NDUFV2: variants seen among roughly 807,000 people sequenced by gnomAD.
NDUFV2 encodes NADH:ubiquinone oxidoreductase core subunit V2, also known as NADH dehydrogenase [ubiquinone] flavoprotein 2, mitochondrial.
Under a neutral mutation model 31.6 loss-of-function variants are expected in NDUFV2, and 18 were observed. The observed-to-expected ratio is 0.57, with a 90% CI of 0.39 to 0.84. NDUFV2 has a LOEUF of 0.84. Ranked by LOEUF, NDUFV2 falls within the 40% of genes least tolerant of loss-of-function variation. NDUFV2 has a pLI of 0.00. For synonymous variants in NDUFV2, 83 were observed against 99.8 expected (o/e 0.83, Z 1.01); for missense variants, 314 against 303.6 (o/e 1.03, Z -0.26).
At chr18:9,112,017 GTTTTT>G (rs10659823) in intron 1 of NDUFV2, among the ~76,000 whole-genome samples, 2 of 122,384 alleles carry the variant, frequency 1.6e-5, no homozygotes, top group African/African-American at 3.2e-5. Context: ...CATCAGAAGG[GTTTTT>G]TTTTTTTTTT....
intron 1 of NDUFV2, among the ~76,000 whole-genome samples, chr18:9,113,766 T>C (rs1002240523): frequency 6.6e-6 from 1 of 152,222 alleles, no homozygotes; most frequent in Non-Finnish European, 1.5e-5. Context: ...TACCCCCTGC[T>C]TGCTCAATCG....
At chr18:9,121,555 A>G (rs1423873845) in intron 4 of NDUFV2, 1 of 152,206 alleles carries the variant, frequency 6.6e-6, no homozygotes, top group Non-Finnish European at 1.5e-5. Flanking sequence ...TAATATGAGA[A>G]AGTTAACATA....
At chr18:9,124,820 C>T in intron 5 of NDUFV2, 54 bp from the exon 6 acceptor site, 1 of 1,450,022 alleles carries the variant, frequency 6.9e-7, no homozygotes, top group Admixed American at 2.1e-5. Flanking sequence ...TTTTTTAAAC[C>T]AAATGACTAT....
At position 9,134,225 on chromosome 18, in the gene NDUFV2, C is replaced by G; in HGVS notation, c.696C>G (p.Thr232=). The G allele has an allele frequency of 6.2e-7, 1 of 1,613,308 alleles. No individual in the cohort carries two copies. The highest frequency in any genetic ancestry group is 1.3e-5 in the African/African-American group (1 of 75,022). Residue 232 remains threonine, a synonymous_variant, in exon 8 of 8, where the codon ACC becomes ACG. Transcript: ENST00000318388. The part of the protein sequence containing the change: ...RFSCEPAGGL[T]SLTEPPKGPG... ...CTTGTGAGCCAGCTGGAGGTCTTAC[C>G]TCTTTGACTGAACCACCCAAGGGAC...
chr18:9,127,961 C>CG (rs1307184740), intron 7 of NDUFV2, among the ~76,000 whole-genome samples: 1 of 152,148 alleles, frequency 6.6e-6, no homozygotes, highest in African/African-American at 2.4e-5. Flanking sequence ...AGGTTGCTCC[C>CG]GTCCCATACC....
chr18:9,128,431 C>T (rs969353522), intron 7 of NDUFV2, among the ~76,000 whole-genome samples: 1 of 152,136 alleles, frequency 6.6e-6, no homozygotes, highest in Non-Finnish European at 1.5e-5. Context: ...TTCTAAGAAA[C>T]GTATACTGTT....
intron 2 of NDUFV2, 81 bp downstream of exon 2, chr18:9,117,984 A>G: frequency 2.2e-6 from 2 of 913,478 alleles, no homozygotes; most frequent in Admixed American, 1.7e-5. Flanking sequence ...AAAATATCTT[A>G]AATACCATTG....
intron 7 of NDUFV2, among the ~76,000 whole-genome samples, chr18:9,128,609 T>C (rs1005849114): frequency 6.6e-6 from 1 of 152,214 alleles, no homozygotes; most frequent in Admixed American, 6.5e-5. Flanking sequence ...TTTAGTCATC[T>C]ATCATTACAG....
intron 1 of NDUFV2, among the ~76,000 whole-genome samples, chr18:9,111,528 A>T (rs1299568784): frequency 1.3e-5 from 2 of 151,516 alleles, no homozygotes; most frequent in African/African-American, 4.9e-5. Flanking sequence ...TCCTGAGTTC[A>T]AGCGATTCTC....
At chr18:9,130,488 T>G (rs1017587811) in intron 7 of NDUFV2, among the ~76,000 whole-genome samples, 23 of 152,200 alleles carry the variant, frequency 1.5e-4, no homozygotes, top group Non-Finnish European at 2.4e-4. Flanking sequence ...GTTTCAATAA[T>G]TGCAAGCATC....
chr18:9,127,142 TC>T (rs1240559211), intron 7 of NDUFV2, among the ~76,000 whole-genome samples: 6 of 152,182 alleles, frequency 3.9e-5, no homozygotes, highest in Non-Finnish European at 5.9e-5. Flanking sequence ...CAAATAGAAA[TC>T]TATTCCATTA....
Position 9,125,290 on chromosome 18 carries a change from TATC to T in NDUFV2, c.579+322_579+324del, listed in dbSNP as rs150890429. Among the ~76,000 whole-genome samples, 607 of 152,154 alleles carry T rather than the reference TATC, an allele frequency of 4.0e-3. 3 individuals carry two copies. Among genetic ancestry groups the T allele is most frequent in the African/African-American group, 0.014 (570 of 41,550 alleles). ...TTTTGCCACATTTTACTTCAGATACTATCATCATCATCATCATTTGTAGAAATA... is the reference window on the plus strand; with the variant it reads ...TTTTGCCACATTTTACTTCAGATACTATCATCATCATCATTTGTAGAAATA... On this transcript the variant is annotated intron_variant, in intron 6 of 7. Transcript: ENST00000318388.
chr18:9,106,539 A>G (rs531596503), intron 1 of NDUFV2, among the ~76,000 whole-genome samples: 28 of 152,252 alleles, frequency 1.8e-4, no homozygotes, highest in African/African-American at 6.5e-4. Context: ...TCCCCATTCC[A>G]TTAGAGATTC....
chr18:9,134,071 A>G (rs888491622), intron 7 of NDUFV2, 115 bp from the exon 8 acceptor site: 12 of 708,828 alleles, frequency 1.7e-5, no homozygotes, highest in Non-Finnish European at 2.8e-5. Context: ...AATCTATGCT[A>G]GTTCTTAGGG....
At chr18:9,128,587 T>A (rs770837097) in intron 7 of NDUFV2, among the ~76,000 whole-genome samples, 7 of 152,190 alleles carry the variant, frequency 4.6e-5, no homozygotes, top group Non-Finnish European at 7.4e-5. Context: ...TGGAGGCAAC[T>A]GAAGTAAAAC....
intron 6 of NDUFV2, 170 bp from the exon 7 acceptor site, chr18:9,126,661 G>A (rs902336954): frequency 3.3e-5 from 20 of 604,916 alleles, no homozygotes; most frequent in Non-Finnish European, 4.5e-5. Flanking sequence ...TGTGCCATGC[G>A]TGGTGGTTCA....
rs536865152 is a variant in NDUFV2 at position 9,109,367 on chromosome 18, T to C, written c.54+6570T>C. 3.3e-5 allele frequency among the ~76,000 whole-genome samples: 5 copies of C among 152,378 alleles called. No individual in the cohort carries two copies. The East Asian group carries it at 9.6e-4, about 29-fold the overall frequency. ...TCTTTCTGACTAATTAGATTACTGCTTCTGTCAGTTTTGTCTTACAGCTTC... is the reference window on the plus strand; with the variant it reads ...TCTTTCTGACTAATTAGATTACTGCCTCTGTCAGTTTTGTCTTACAGCTTC... On this transcript the variant is annotated intron_variant, in intron 1 of 7. Coordinates refer to ENST00000318388, the MANE Select transcript of NDUFV2 (RefSeq NM_021074.5).
In NDUFV2 at chr18:9,119,508, G is replaced by A. The variant is rs765985175; in HGVS notation, c.218G>A (p.Gly73Asp). ...IEAIVKNYPE[G>D]HKAAAVLPVL... is the part of the protein sequence containing the mutation. ...GCAATTGTAAAAAACTATCCAGAAG[G>A]CCATAAAGCAGCAGCTGTTCTTCCA... Residue 73 changes from glycine (G) to aspartate (D), a missense_variant, in exon 4 of 8, where the codon GGC becomes GAC. Physicochemically the swap from Gly to Asp is moderately conservative, Grantham distance 94. Transcript: ENST00000318388. 2.5e-6 allele frequency: 4 copies of A among 1,613,826 alleles called. No individual in the cohort carries two copies. The highest frequency in any genetic ancestry group is 2.5e-6 in the Non-Finnish European group (3 of 1,179,844).
intron 5 of NDUFV2, among the ~76,000 whole-genome samples, chr18:9,124,514 T>C (rs2077970602): frequency 1.3e-5 from 2 of 149,092 alleles, no homozygotes; most frequent in Non-Finnish European, 3.0e-5. Flanking sequence ...AGTGGCGCAA[T>C]CTCGGCTCAC....
Sources: allele counts gnomAD v4.1 joint callset (sites outside exome capture counted in the v4.1 genomes callset), GRCh38; gene constraint gnomAD v4.1.1; transcripts MANE v1.5; gene names NCBI Gene and HGNC (gene_info 2026-07-23, HGNC 2026-07-21).